Variants in DSG4 observed in about 807,000 individuals in gnomAD.
DSG4 encodes the protein desmoglein-4.
Under a neutral mutation model 93.1 loss-of-function variants are expected in DSG4, and 87 were observed. The observed-to-expected ratio is 0.93, with a 90% CI of 0.79 to 1.12. DSG4 has a LOEUF of 1.12. DSG4 is among the 50% of genes most tolerant of loss of function. DSG4 has a pLI of 0.00. For synonymous variants in DSG4, 432 were observed against 452.9 expected, an observed-to-expected ratio of 0.95 and a Z score of 0.59; for missense variants, 1,373 against 1,285.7, an observed-to-expected ratio of 1.07 and a Z score of -1.04.
intron 12 of DSG4, 114 bp from the exon 13 acceptor site, chr18:31,409,338 T>A (rs2072460030): frequency 6.7e-7 from 1 of 1,487,426 alleles, no homozygotes; most frequent in Non-Finnish European, 9.3e-7. Context: ...CTTACATATA[T>A]TTGTATTTTT....
intron 8 of DSG4, among the ~76,000 whole-genome samples, chr18:31,396,654 C>A (rs757668063): frequency 2.6e-5 from 4 of 151,996 alleles, no homozygotes; most frequent in African/African-American, 9.7e-5. Context: ...CCGCACCCAG[C>A]CAGTAATTCC....
chr18:31,396,494 A>T (rs1434800831), intron 8 of DSG4, among the ~76,000 whole-genome samples: 2 of 150,266 alleles, frequency 1.3e-5, no homozygotes, highest in Non-Finnish European at 2.9e-5. Context: ...AGCTGGGATT[A>T]CAGGCATGCG....
rs545855902 is a variant in DSG4, at chr18:31,411,401, G to A, written c.2308G>A (p.Ala770Thr). Residue 770 changes from alanine to threonine, a missense_variant, in exon 15 of 16, where the codon GCT (alanine) becomes ACT (threonine). Transcript: ENST00000308128. ...TACCATGGGAACCCTGCGGGACTAC[G>A]CTGACGCAGACATCAACATGGCTTT... is the stretch of plus-strand genomic sequence containing the variant. ...SSTMGTLRDY[A>T]DADINMAFLD... 524 of 1,611,144 alleles carry A rather than the reference G, an allele frequency of 3.3e-4. 8 individuals are homozygous for A. The South Asian group carries it at 5.2e-3, about 16-fold the overall frequency.
At position 31,409,474 on chromosome 18, in the gene DSG4, G is replaced by A; in HGVS notation, c.1956G>A (p.Leu652=). ...CAGTGGCTCCACTCTTGCTGCTCCT[G>A]TGTTGCTGCAAACAGAGACAGCCAG... is the stretch of plus-strand genomic sequence containing the variant. The part of the protein sequence containing the change: ...LLILAPLLLL[L]CCCKQRQPEG... Residue 652 remains leucine (L), a synonymous_variant, in exon 13 of 16, where the codon CTG becomes CTA. Transcript: ENST00000308128. 1 of 1,614,182 alleles carries A rather than the reference G, an allele frequency of 6.2e-7. No homozygotes were observed.
At chr18:31,403,084 G>A (rs7227543) in intron 10 of DSG4, among the ~76,000 whole-genome samples, 14,329 of 152,054 alleles carry the variant, frequency 0.094, 2,160 homozygotes, top group African/African-American at 0.32. Context: ...AAACCTTCTC[G>A]GAGGAAGAAC....
chr18:31,402,122 T>A (rs1195485332), intron 10 of DSG4, among the ~76,000 whole-genome samples: 1 of 152,060 alleles, frequency 6.6e-6, no homozygotes, highest in Non-Finnish European at 1.5e-5. Context: ...TCCAAGCAAA[T>A]AAAGAGAGAG....
At position 31,398,228 on chromosome 18, in the gene DSG4, G is replaced by C. The variant is rs546711192; in HGVS notation, c.1006-1044G>C. Among the ~76,000 whole-genome samples, 177 of 152,228 alleles carry C rather than the reference G, an allele frequency of 1.2e-3. 1 individual carries two copies. Among genetic ancestry groups the C allele is most frequent in the South Asian group, 4.1e-3 (20 of 4,820 alleles). On this transcript the variant is annotated intron_variant, in intron 8 of 15. Coordinates refer to ENST00000308128, the MANE Select transcript of DSG4 (RefSeq NM_177986.5). ...TCTATTACGTGGACCAGTGGACTAG[G>C]TATTATGTGGATCTGTAAACAGATG...
At position 31,413,644 on chromosome 18, in the gene DSG4, T is replaced by C. The variant is rs1462878731; in HGVS notation, c.*49T>C. The C allele has an allele frequency of 6.3e-7, 1 of 1,594,170 alleles. No individual in the cohort carries two copies. Among genetic ancestry groups the C allele is most frequent in the African/African-American group, 1.3e-5 (1 of 74,674 alleles). ...GTGGAGACCTTGCACCTTGTAATCA[T>C]CAATACATCCACCAAAAATATATAA... On this transcript the variant is annotated 3_prime_UTR_variant, in exon 16 of 16. Coordinates refer to ENST00000308128, the MANE Select transcript of DSG4 (RefSeq NM_177986.5).
chr18:31,395,169 A>G (rs9304095), intron 8 of DSG4, among the ~76,000 whole-genome samples: 116,576 of 151,818 alleles, frequency 0.77, 44,946 homozygotes, highest in East Asian at 0.95. Context: ...TTCTGCATAC[A>G]ATTATAAATA....
intron 4 of DSG4, 47 bp downstream of exon 4, chr18:31,388,569 C>T (rs762320136): frequency 4.4e-6 from 7 of 1,607,070 alleles, no homozygotes; most frequent in East Asian, 4.5e-5. Flanking sequence ...AGTTTTCTTC[C>T]CTTTTTCAAA....
chr18:31,411,147 C>A, intron 14 of DSG4, 84 bp from the exon 15 acceptor site: 1 of 1,613,682 alleles, frequency 6.2e-7, no homozygotes, highest in Non-Finnish European at 8.5e-7. Flanking sequence ...GGTGGTGGCA[C>A]CGCAGACGGC....
At position 31,394,349 on chromosome 18, in the gene DSG4, G is replaced by T. The variant is rs187089767; in HGVS notation, c.1005+2009G>T. ...TCCCAGCACTTTGGGAGGCCAAGGCGGGCAGATCACCTGAAGTCGGGAGTT... is the reference window on the plus strand; with the variant it reads ...TCCCAGCACTTTGGGAGGCCAAGGCTGGCAGATCACCTGAAGTCGGGAGTT... On this transcript the variant is annotated intron_variant, in intron 8 of 15. Transcript: ENST00000308128. Among the ~76,000 whole-genome samples, 724 of 152,232 alleles carry T rather than the reference G, an allele frequency of 4.8e-3. 14 individuals are homozygous for T. Among genetic ancestry groups the T allele is most frequent in the Non-Finnish European group, 2.4e-3 (163 of 68,008 alleles).
At chr18:31,391,668 AAAAAAACAAAAAAACAAAAC>A (rs2144180086) in intron 7 of DSG4, among the ~76,000 whole-genome samples, 1 of 151,822 alleles carries the variant, frequency 6.6e-6, no homozygotes, top group African/African-American at 2.4e-5. Context: ...CGGTTTAAAA[AAAAAAACAAAAAAACAAAAC>A]AAAAAACGTG....
At chr18:31,408,735 AGAATTAG>A (rs1385712955) in intron 12 of DSG4, among the ~76,000 whole-genome samples, 1 of 152,190 alleles carries the variant, frequency 6.6e-6, no homozygotes, top group African/African-American at 2.4e-5. Context: ...GCCATGCTAG[AGAATTAG>A]GAAAGTATGA....
chr18:31,388,948 C>A lies in DSG4; in HGVS notation c.447C>A (p.Asp149Glu). 1 of 1,613,564 alleles carries A rather than the reference C, an allele frequency of 6.2e-7. No individual in the cohort carries two copies. Among genetic ancestry groups the A allele is most frequent in the Non-Finnish European group, 8.5e-7 (1 of 1,179,648 alleles). Residue 149 changes from aspartate (D) to glutamate (E), a missense_variant, in exon 5 of 16, where the codon GAC (aspartate) becomes GAA (glutamate). Coordinates refer to ENST00000308128, the MANE Select transcript of DSG4 (RefSeq NM_177986.5). ...TTGAGCTTAGAGTCAAAGTTATGGACATAAATGATAACGCTCCAGTCTTTT... is the reference window on the plus strand; with the variant it reads ...TTGAGCTTAGAGTCAAAGTTATGGAAATAAATGATAACGCTCCAGTCTTTT... Reference protein sequence around the residue: ...RPLELRVKVMDINDNAPVFSQ... With the variant: ...RPLELRVKVMEINDNAPVFSQ...
In DSG4 at chr18:31,413,399, A is replaced by C; in HGVS notation, c.2927A>C (p.Asp976Ala). 4.3e-6 allele frequency: 7 copies of C among 1,613,972 alleles called. No individual in the cohort carries two copies. The highest frequency in any genetic ancestry group is 5.9e-6 in the Non-Finnish European group (7 of 1,180,016). Residue 976 changes from aspartate (D) to alanine (A), a missense_variant, in exon 16 of 16, where the codon GAC becomes GCC. Transcript: ENST00000308128. ...ERVLASPGVP[D>A]MSNSSTTEGC... ...GTACTGGCTAGTCCTGGTGTGCCTG[A>C]CATGAGCAATAGTAGCACGACTGAG...
rs1457836753 is a variant in DSG4, at chr18:31,413,051, C to T, written c.2579C>T (p.Ala860Val). ...TEIEPFPSHQACIPISTDLPL... is the reference protein window; with the variant it reads ...TEIEPFPSHQVCIPISTDLPL... ...ATTGAACCATTTCCTTCACACCAGGCTTGTATACCAATCAGTACTGACCTC... is the reference window on the plus strand; with the variant it reads ...ATTGAACCATTTCCTTCACACCAGGTTTGTATACCAATCAGTACTGACCTC... Residue 860 changes from alanine to valine, a missense_variant, in exon 16 of 16, where the codon GCT becomes GTT. Ala to Val is a moderately conservative substitution (Grantham distance 64, BLOSUM62 0). Coordinates refer to ENST00000308128, the MANE Select transcript of DSG4 (RefSeq NM_177986.5). 7.4e-6 allele frequency: 12 copies of T among 1,614,166 alleles called. No homozygotes were observed. Among genetic ancestry groups the T allele is most frequent in the Non-Finnish European group, 1.0e-5 (12 of 1,180,034 alleles).
chr18:31,407,141 A>C lies in DSG4; in HGVS notation c.1933+768A>C, dbSNP rs538191246. ...GAAAGGTAATCAAACACACACACAC[A>C]AAAAAAAACCACACACACAAACAAA... is the stretch of plus-strand genomic sequence containing the variant. On this transcript the variant is annotated intron_variant, in intron 12 of 15. Coordinates refer to ENST00000308128, the MANE Select transcript of DSG4 (RefSeq NM_177986.5). 8.3e-4 allele frequency among the ~76,000 whole-genome samples: 125 copies of C among 150,592 alleles called. 1 individual carries two copies. Among genetic ancestry groups the C allele is most frequent in the African/African-American group, 2.9e-3 (119 of 40,778 alleles).
rs1445001154 is a variant in DSG4 at position 31,414,123 on chromosome 18, A to T, written c.*528A>T. 1 of 153,178 alleles carries T rather than the reference A, an allele frequency of 6.5e-6. No individual in the cohort carries two copies. The highest frequency in any genetic ancestry group is 1.5e-5 in the Non-Finnish European group (1 of 68,736). 9.5% of individuals were successfully genotyped at this position (153,178 alleles called of 1,614,324 possible). A position where few individuals can be genotyped will look rare whatever the true frequency, so the allele number is the denominator to read the frequency against. On this transcript the variant is annotated 3_prime_UTR_variant, in exon 16 of 16. Coordinates refer to ENST00000308128, the MANE Select transcript of DSG4 (RefSeq NM_177986.5). Reference sequence around the variant, plus strand: ...CTGAAGTCATTTGTCTCTTCAAAAGATTTTTCAATATTATGCGCTATTAAG... The same window carrying T: ...CTGAAGTCATTTGTCTCTTCAAAAGTTTTTTCAATATTATGCGCTATTAAG...
Sources: allele counts gnomAD v4.1 joint callset (sites outside exome capture counted in the v4.1 genomes callset), GRCh38; gene constraint gnomAD v4.1.1; transcripts MANE v1.5; gene names NCBI Gene and HGNC (gene_info 2026-07-23, HGNC 2026-07-21).